Variants in MAMDC2 observed in about 807,000 individuals in gnomAD.
MAMDC2 encodes the protein MAM domain containing 2, also known as MAM domain-containing protein 2.
MAMDC2 carries 57 observed loss-of-function variants against 89.8 expected under a neutral mutation model. The ratio of observed to expected loss-of-function variants is 0.63; its 90% CI spans 0.51 to 0.79. The LOEUF (loss-of-function observed/expected upper bound fraction) is 0.79, where lower values mean the gene tolerates loss of function less well. Ranked by LOEUF, MAMDC2 falls within the 30% of genes least tolerant of loss-of-function variation. The pLI is 0.00. For missense variants in MAMDC2, 800 were observed against 820.6 expected (o/e 0.97, Z 0.31); for synonymous variants, 313 against 293.4 (o/e 1.07, Z -0.68).
At chr9:70,211,459 C>T (rs2033352591) in intron 11 of MAMDC2, among the ~76,000 whole-genome samples, 1 of 152,192 alleles carries the variant, frequency 6.6e-6, no homozygotes, top group African/African-American at 2.4e-5. Flanking sequence ...GTTCTCTTGC[C>T]ATGGTTTTCA....
At chr9:70,136,574 G>A (rs941016349) in intron 7 of MAMDC2, among the ~76,000 whole-genome samples, 6 of 151,962 alleles carry the variant, frequency 3.9e-5, no homozygotes, top group African/African-American at 9.7e-5. Flanking sequence ...TCTTGCAGTC[G>A]CCCAAGAGCA....
intron 2 of MAMDC2, among the ~76,000 whole-genome samples, chr9:70,072,687 A>C (rs1414015255): frequency 6.6e-6 from 1 of 152,116 alleles, no homozygotes; most frequent in Non-Finnish European, 1.5e-5. Flanking sequence ...TGGATTCTTC[A>C]CCATGAGACT....
chr9:70,192,167 C>T (rs759232951), intron 11 of MAMDC2, among the ~76,000 whole-genome samples: 4 of 152,080 alleles, frequency 2.6e-5, no homozygotes, highest in Non-Finnish European at 5.9e-5. Context: ...ATCTTGATCC[C>T]TCATGTCCTT....
chr9:70,059,442 C>T (rs889743306), intron 2 of MAMDC2, among the ~76,000 whole-genome samples: 1 of 152,154 alleles, frequency 6.6e-6, no homozygotes, highest in Non-Finnish European at 1.5e-5. Flanking sequence ...AGAATAATGA[C>T]CTGTGTTCTA....
chr9:70,215,011 TATAAC>T (rs1430355036), intron 11 of MAMDC2, among the ~76,000 whole-genome samples: 1 of 152,152 alleles, frequency 6.6e-6, no homozygotes, highest in African/African-American at 2.4e-5. Flanking sequence ...GAGTTTGAGA[TATAAC>T]ATATTTGGTA....
intron 2 of MAMDC2, chr9:70,063,307 G>T (rs1277977250): frequency 6.6e-6 from 1 of 152,144 alleles, no homozygotes; most frequent in Non-Finnish European, 1.5e-5. Context: ...GTGGTATAAG[G>T]TTCGTGGAGA....
chr9:70,187,257 A>C (rs1293056563), intron 11 of MAMDC2, among the ~76,000 whole-genome samples: 2 of 151,994 alleles, frequency 1.3e-5, no homozygotes, highest in East Asian at 3.9e-4. Flanking sequence ...TATATCCTTC[A>C]TGCTCTCTTA....
At chr9:70,083,077 CA>C (rs538044895) in intron 2 of MAMDC2, among the ~76,000 whole-genome samples, 289 of 152,158 alleles carry the variant, frequency 1.9e-3, no homozygotes, top group African/African-American at 6.7e-3. Flanking sequence ...ATGGAAAAAA[CA>C]AAAAGGAATC....
intron 2 of MAMDC2, among the ~76,000 whole-genome samples, chr9:70,073,983 G>A (rs1323640110): frequency 6.6e-6 from 1 of 152,204 alleles, no homozygotes; most frequent in Non-Finnish European, 1.5e-5. Flanking sequence ...TTGAGAATCT[G>A]ATGAAAGCCA....
chr9:70,196,604 G>T (rs775528729), intron 11 of MAMDC2, among the ~76,000 whole-genome samples: 1 of 152,104 alleles, frequency 6.6e-6, no homozygotes, highest in Non-Finnish European at 1.5e-5. Flanking sequence ...TGAAGAGGTT[G>T]CATCTGCTAA....
Position 70,143,666 on chromosome 9 carries a change from C to T in MAMDC2, c.1251C>T (p.Ala417=), listed in dbSNP as rs1333149975. Reference sequence around the variant, plus strand: ...AGTATTGTCTGCGTTTTCATTATGCCATCTATGGATTTTTAAAAATGAGTG... The same window carrying T: ...AGTATTGTCTGCGTTTTCATTATGCTATCTATGGATTTTTAAAAATGAGTG... The part of the protein sequence containing the change: ...NLQYCLRFHY[A]IYGFLKMSDT... The change falls in exon 9 of 14, where the codon GCC becomes GCT. Residue 417 remains alanine, a synonymous_variant. Coordinates refer to ENST00000377182, the MANE Select transcript of MAMDC2 (RefSeq NM_153267.5). 1 of 1,614,154 alleles carries T rather than the reference C, an allele frequency of 6.2e-7. No individual in the cohort carries two copies. Among genetic ancestry groups the T allele is most frequent in the Non-Finnish European group, 8.5e-7 (1 of 1,180,010 alleles).
intron 7 of MAMDC2, among the ~76,000 whole-genome samples, chr9:70,139,238 A>G (rs1031490476): frequency 6.9e-6 from 1 of 144,944 alleles, no homozygotes; most frequent in African/African-American, 2.5e-5. Flanking sequence ...GTCATTTAGC[A>G]TTAGGTATAT....
intron 11 of MAMDC2, among the ~76,000 whole-genome samples, chr9:70,206,962 T>C (rs1280554067): frequency 6.6e-6 from 1 of 152,198 alleles, no homozygotes; most frequent in Middle Eastern, 3.2e-3. Context: ...CAAGAACTCA[T>C]CCTTTTTTAT....
Position 70,126,365 on chromosome 9 carries a change from G to T in MAMDC2, c.850G>T (p.Ala284Ser). ...CTGGAAAGCAGACAGGCCAGGGAAT[G>T]CTGCCTGGAACCTTGCGGAGGTCGA... ...EIWKADRPGN[A>S]AWNLAEVEFS... is the part of the protein sequence containing the mutation. The change falls in exon 6 of 14, where the codon GCT becomes TCT. Residue 284 changes from alanine to serine, a missense_variant. By Grantham distance (99) the Ala-to-Ser change is moderately conservative (BLOSUM62 1). Coordinates refer to ENST00000377182, the MANE Select transcript of MAMDC2 (RefSeq NM_153267.5). 6.2e-7 allele frequency: 1 copy of T among 1,614,078 alleles called. No individual in the cohort carries two copies. The highest frequency in any genetic ancestry group is 8.5e-7 in the Non-Finnish European group (1 of 1,179,982).
chr9:70,119,951 G>A lies in MAMDC2; in HGVS notation c.644-6208G>A, dbSNP rs999543257. 2.6e-5 allele frequency among the ~76,000 whole-genome samples: 4 copies of A among 152,314 alleles called. No homozygotes were observed. In the East Asian group the frequency reaches 7.7e-4, roughly 29 times the overall value. The stretch of plus-strand genomic sequence containing the variant: ...ATGGCCAATGGGGGATCCCACTTTA[G>A]TGTTGACAGACAGGGATGAGCAACT... On this transcript the variant is annotated intron_variant, in intron 5 of 13. Transcript: ENST00000377182.
At chr9:70,194,247 T>C (rs1352133043) in intron 11 of MAMDC2, 1 of 152,114 alleles carries the variant, frequency 6.6e-6, no homozygotes, top group Non-Finnish European at 1.5e-5. Context: ...AAAATAAAGA[T>C]AACAATCAGT....
rs774107329 is a variant in MAMDC2, at chr9:70,226,046, T to C, written c.*14T>C. The C allele has an allele frequency of 1.4e-6, 2 of 1,468,716 alleles. No homozygotes were observed. Among genetic ancestry groups the C allele is most frequent in the African/African-American group, 1.4e-5 (1 of 70,844 alleles). 91.0% of individuals were successfully genotyped at this position (1,468,716 alleles called of 1,614,324 possible). A position where few individuals can be genotyped will look rare whatever the true frequency, so the allele number is the denominator to read the frequency against. On this transcript the variant is annotated 3_prime_UTR_variant, in exon 14 of 14. Coordinates refer to ENST00000377182, the MANE Select transcript of MAMDC2 (RefSeq NM_153267.5). ...ATTGAGTATTAAGAAATGATCTGCATTGGATTTACTAGACGAAAACCATAC... is the reference window on the plus strand; with the variant it reads ...ATTGAGTATTAAGAAATGATCTGCACTGGATTTACTAGACGAAAACCATAC...
At chr9:70,117,793 A>T (rs1232953538) in intron 5 of MAMDC2, among the ~76,000 whole-genome samples, 1 of 152,102 alleles carries the variant, frequency 6.6e-6, no homozygotes, top group Non-Finnish European at 1.5e-5. Flanking sequence ...AGCTAAACAG[A>T]TTTCTTTATT....
intron 2 of MAMDC2, among the ~76,000 whole-genome samples, chr9:70,085,103 G>A (rs568004370): frequency 2.6e-5 from 4 of 152,046 alleles, no homozygotes; most frequent in Admixed American, 2.6e-4. Flanking sequence ...TGCACTACAG[G>A]GCCCCTTGTC....
Sources: allele counts gnomAD v4.1 joint callset (sites outside exome capture counted in the v4.1 genomes callset), GRCh38; gene constraint gnomAD v4.1.1; transcripts MANE v1.5; gene names NCBI Gene and HGNC (gene_info 2026-07-23, HGNC 2026-07-21).